Variants in MTHFD1L observed in about 807,000 individuals in gnomAD.
MTHFD1L encodes the protein methylenetetrahydrofolate dehydrogenase (NADP+ dependent) 1 like, also known as monofunctional C1-tetrahydrofolate synthase, mitochondrial.
In MTHFD1L, 81 loss-of-function variants were observed where a neutral mutation model predicts 119.5. That is an observed-to-expected ratio of 0.68 (90% CI 0.57 to 0.82). MTHFD1L has a LOEUF of 0.82. Among genes scored for constraint, MTHFD1L ranks in the 40% least tolerant of loss-of-function variants. The pLI is 0.00. For missense variants in MTHFD1L, 1,125 were observed against 1,253.4 expected (o/e 0.90, Z 1.55); for synonymous variants, 430 against 475.2 (o/e 0.90, Z 1.24).
At chr6:150,994,421 A>G (rs958448074) in intron 20 of MTHFD1L, among the ~76,000 whole-genome samples, 1 of 152,176 alleles carries the variant, frequency 6.6e-6, no homozygotes, top group African/African-American at 2.4e-5. Context: ...TTCTTGAAAT[A>G]GAAAGGTGAG....
At chr6:150,960,714 C>A (rs1438929232) in intron 18 of MTHFD1L, among the ~76,000 whole-genome samples, 5 of 152,090 alleles carry the variant, frequency 3.3e-5, no homozygotes, top group Admixed American at 3.3e-4. Flanking sequence ...AGGAGTCACC[C>A]CCCTGCAGTC....
chr6:151,087,193 G>A (rs1454676607), intron 26 of MTHFD1L, among the ~76,000 whole-genome samples: 1 of 151,988 alleles, frequency 6.6e-6, no homozygotes, highest in Non-Finnish European at 1.5e-5. Context: ...AGGCTGCAGT[G>A]AGCTGAGATC....
chr6:150,900,821 C>T (rs150578737), intron 7 of MTHFD1L, among the ~76,000 whole-genome samples: 6,788 of 151,768 alleles, frequency 0.045, 503 homozygotes, highest in African/African-American at 0.15. Context: ...CGAGACCATC[C>T]TGGATAACAT....
intron 20 of MTHFD1L, among the ~76,000 whole-genome samples, chr6:150,972,755 G>A (rs1385933991): frequency 1.3e-5 from 2 of 152,200 alleles, no homozygotes; most frequent in African/African-American, 4.8e-5. Context: ...TTGAAGTCGT[G>A]GGTTTATTTC....
chr6:150,907,135 G>A (rs186991481), intron 8 of MTHFD1L, among the ~76,000 whole-genome samples: 1 of 151,834 alleles, frequency 6.6e-6, no homozygotes, highest in Non-Finnish European at 1.5e-5. Flanking sequence ...CTGCTTTGCT[G>A]TAATATTTAC....
At chr6:151,036,494 G>T (rs1786184764) in intron 25 of MTHFD1L, among the ~76,000 whole-genome samples, 1 of 152,156 alleles carries the variant, frequency 6.6e-6, no homozygotes, top group African/African-American at 2.4e-5. Context: ...TAATGTAATT[G>T]CAGATCAAAT....
chr6:151,002,834 C>A (rs1780805785), intron 20 of MTHFD1L, among the ~76,000 whole-genome samples: 1 of 152,222 alleles, frequency 6.6e-6, no homozygotes, highest in Non-Finnish European at 1.5e-5. Flanking sequence ...CCTGCGTGAG[C>A]CACTGCAAGC....
intron 7 of MTHFD1L, among the ~76,000 whole-genome samples, chr6:150,901,255 G>GC (rs1785061738): frequency 6.6e-6 from 1 of 152,062 alleles, no homozygotes; most frequent in Non-Finnish European, 1.5e-5. Context: ...GATCACTTGA[G>GC]CCCAGGAATT....
intron 15 of MTHFD1L, among the ~76,000 whole-genome samples, chr6:150,947,605 TA>T (rs200875376): frequency 5.3e-4 from 78 of 145,860 alleles, no homozygotes; most frequent in Middle Eastern, 3.8e-3. Flanking sequence ...TTAAAAGTTT[TA>T]ATTTTTTTTT....
chr6:150,875,659 CT>C (rs559700747), intron 1 of MTHFD1L, among the ~76,000 whole-genome samples: 67 of 152,160 alleles, frequency 4.4e-4, no homozygotes, highest in African/African-American at 1.5e-3. Flanking sequence ...CTTCACCCCC[CT>C]AATCCCCTGT....
intron 20 of MTHFD1L, among the ~76,000 whole-genome samples, chr6:150,980,559 T>C (rs1418354049): frequency 6.6e-6 from 1 of 152,088 alleles, no homozygotes; most frequent in African/African-American, 2.4e-5. Context: ...TCGCTGTGTG[T>C]CCTTTAGTTT....
chr6:151,057,372 G>C (rs999209740), intron 26 of MTHFD1L: 6 of 984,802 alleles, frequency 6.1e-6, no homozygotes, highest in Non-Finnish European at 7.2e-6. Context: ...CAGGTACTGT[G>C]GCTCACGTCT....
chr6:151,035,221 G>A (rs1338194348), intron 25 of MTHFD1L, among the ~76,000 whole-genome samples: 2 of 152,122 alleles, frequency 1.3e-5, no homozygotes, highest in Admixed American at 1.3e-4. Flanking sequence ...CTAGTCCAGT[G>A]ACAGTCATGA....
At chr6:150,991,862 G>T (rs1779107834) in intron 20 of MTHFD1L, among the ~76,000 whole-genome samples, 1 of 152,224 alleles carries the variant, frequency 6.6e-6, no homozygotes, top group African/African-American at 2.4e-5. Context: ...CTGAGAAGAT[G>T]GCACTGAGGC....
chr6:150,900,073 A>G (rs1784883190), intron 7 of MTHFD1L, among the ~76,000 whole-genome samples: 1 of 151,314 alleles, frequency 6.6e-6, no homozygotes. Context: ...CTTATGAAAC[A>G]GTCTGCCTGA....
At chr6:151,092,644 T>C (rs1229143369) in intron 27 of MTHFD1L, 57 bp downstream of exon 27, 24 of 1,038,736 alleles carry the variant, frequency 2.3e-5, no homozygotes, top group Non-Finnish European at 3.3e-5. Flanking sequence ...TCATATCCTT[T>C]TTTTGTCATT....
At chr6:150,976,026 C>T (rs533063339) in intron 20 of MTHFD1L, among the ~76,000 whole-genome samples, 25 of 152,164 alleles carry the variant, frequency 1.6e-4, no homozygotes, top group Middle Eastern at 3.4e-3. Flanking sequence ...GGTGAAACCC[C>T]GTCTCTACTA....
chr6:151,000,327 C>T (rs915203397), intron 20 of MTHFD1L, among the ~76,000 whole-genome samples: 33 of 144,456 alleles, frequency 2.3e-4, no homozygotes, highest in African/African-American at 8.1e-4. Flanking sequence ...CAGGGAGAGA[C>T]TCTGTCTCAA....
intron 8 of MTHFD1L, among the ~76,000 whole-genome samples, chr6:150,910,463 T>C (rs1053023354): frequency 1.3e-5 from 2 of 148,680 alleles, no homozygotes; most frequent in African/African-American, 5.0e-5. Flanking sequence ...CTCAGGAGGC[T>C]GAGGCAGGAG....
Sources: allele counts gnomAD v4.1 joint callset (sites outside exome capture counted in the v4.1 genomes callset), GRCh38; gene constraint gnomAD v4.1.1; transcripts MANE v1.5; gene names NCBI Gene and HGNC (gene_info 2026-07-23, HGNC 2026-07-21).